The following LRRC4C variants were observed in gnomAD, a reference collection of about 807,000 sequenced individuals.
LRRC4C encodes leucine-rich repeat-containing protein 4C.
A neutral mutation model predicts 33.6 loss-of-function variants in LRRC4C; 5 were observed. The ratio of observed to expected loss-of-function variants is 0.15; its 90% CI spans 0.08 to 0.31. LRRC4C has a LOEUF of 0.31. LRRC4C is among the 10% of genes least tolerant of loss of function. LRRC4C has a pLI of 1.00. For synonymous variants in LRRC4C, 329 were observed against 302.0 expected, an observed-to-expected ratio of 1.09 and a Z score of -0.93; for missense variants, 560 against 796.7, an observed-to-expected ratio of 0.70 and a Z score of 3.58.
rs142646290 is a variant in LRRC4C, at chr11:41,069,158, A to G, written c.-495-135435T>C. 3.7e-3 allele frequency among the ~76,000 whole-genome samples: 565 copies of G among 152,302 alleles called. 1 individual carries two copies. Among genetic ancestry groups the G allele is most frequent in the Non-Finnish European group, 5.8e-3 (392 of 68,038 alleles). On this transcript the variant is annotated intron_variant, in intron 1 of 6. Coordinates refer to ENST00000528697, the MANE Select transcript of LRRC4C (RefSeq NM_001258419.2). ...GTAATCCACCACATAAACAGAACCA[A>G]TGACAAAAAACACTTGATTATTCTA...
At chr11:41,044,916 A>T (rs1420350644) in intron 1 of LRRC4C, among the ~76,000 whole-genome samples, 1 of 152,150 alleles carries the variant, frequency 6.6e-6, no homozygotes, top group Non-Finnish European at 1.5e-5. Flanking sequence ...AGGGATAAGT[A>T]GGGCAAAATG....
rs555096085 is a variant in LRRC4C, at chr11:41,130,009, T to C, written c.-495-196286A>G. On this transcript the variant is annotated intron_variant, in intron 1 of 6. Coordinates refer to ENST00000528697, the MANE Select transcript of LRRC4C (RefSeq NM_001258419.2). ...AAGCTCCAGATTCTGTTTAGTTATT[T>C]ACTGTCCATAGGAGACTAGATCCTC... Among the ~76,000 whole-genome samples, 6 of 152,010 alleles carry C rather than the reference T, an allele frequency of 3.9e-5. 1 individual carries two copies. In the South Asian group the frequency reaches 1.0e-3, roughly 26 times the overall value.
intron 5 of LRRC4C, among the ~76,000 whole-genome samples, chr11:40,148,999 A>C (rs1857973041): frequency 6.6e-6 from 1 of 152,092 alleles, no homozygotes; most frequent in Admixed American, 6.6e-5. Context: ...GTAGGAGTGC[A>C]GCATTACTTC....
intron 3 of LRRC4C, among the ~76,000 whole-genome samples, chr11:40,576,635 T>A (rs757212336): frequency 6.6e-6 from 1 of 152,056 alleles, no homozygotes; most frequent in African/African-American, 2.4e-5. Flanking sequence ...TTTATAACAA[T>A]CCCCCTCCAT....
At chr11:40,313,428 AG>A (rs1945411278) in intron 4 of LRRC4C, among the ~76,000 whole-genome samples, 1 of 151,930 alleles carries the variant, frequency 6.6e-6, no homozygotes, top group Admixed American at 6.6e-5. Context: ...CATACATTGG[AG>A]GAAGGGCCAT....
intron 2 of LRRC4C, among the ~76,000 whole-genome samples, chr11:40,766,353 T>TAAAAAAAAAAAAAAAAAAAAAAAAAA (rs60152534): frequency 8.8e-5 from 3 of 33,902 alleles, no homozygotes; most frequent in African/African-American, 3.2e-4. Flanking sequence ...TTCAGTCTGT[T>TAAAAAAAAAAAAAAAAAAAAAAAAAA]AAAAAAAAAA....
intron 1 of LRRC4C, among the ~76,000 whole-genome samples, chr11:41,081,542 A>G (rs12806432): frequency 0.28 from 42,297 of 151,818 alleles, 6,096 homozygotes; most frequent in Admixed American, 0.35. Context: ...AGCAGGTCCC[A>G]TATGTTAAGA....
intron 2 of LRRC4C, among the ~76,000 whole-genome samples, chr11:40,817,009 G>A (rs143539032): frequency 3.7e-4 from 56 of 152,074 alleles, no homozygotes; most frequent in Non-Finnish European, 4.1e-4. Flanking sequence ...TTTTTCCATC[G>A]GAGCCTTGTC....
intron 2 of LRRC4C, among the ~76,000 whole-genome samples, chr11:40,872,288 C>G (rs1033097407): frequency 3.3e-5 from 5 of 149,666 alleles, no homozygotes; most frequent in Non-Finnish European, 5.9e-5. Context: ...AGTCCTGGCT[C>G]TCTCCTTAAA....
chr11:41,363,291 A>G (rs1952421119), intron 1 of LRRC4C, among the ~76,000 whole-genome samples: 1 of 152,206 alleles, frequency 6.6e-6, no homozygotes, highest in African/African-American at 2.4e-5. Context: ...CACAACAAGT[A>G]CAGAAAAACA....
chr11:41,273,074 C>T lies in LRRC4C; in HGVS notation c.-496+186357G>A, dbSNP rs565990644. ...ATTCTAGTGAAGAAAACAGATAATA[C>T]GTATATAAATAGCTAGAAAATGCAA... is the stretch of plus-strand genomic sequence containing the variant. On this transcript the variant is annotated intron_variant, in intron 1 of 6. Transcript: ENST00000528697. 5.9e-5 allele frequency among the ~76,000 whole-genome samples: 9 copies of T among 152,038 alleles called. No homozygotes were observed. In the South Asian group the frequency reaches 1.0e-3, roughly 18 times the overall value.
At chr11:40,833,092 G>A (rs987614198) in intron 2 of LRRC4C, among the ~76,000 whole-genome samples, 1 of 152,148 alleles carries the variant, frequency 6.6e-6, no homozygotes. Context: ...AATTTGTGGG[G>A]TGTGGTTATA....
chr11:40,646,913 C>T (rs1199879559), intron 3 of LRRC4C, among the ~76,000 whole-genome samples: 2 of 152,178 alleles, frequency 1.3e-5, no homozygotes, highest in Non-Finnish European at 2.9e-5. Flanking sequence ...GCCAAGTCTT[C>T]TCTCTCTTTT....
In LRRC4C at chr11:40,586,786, T is replaced by G. The variant is rs1293950596; in HGVS notation, c.-270+61356A>C. Among the ~76,000 whole-genome samples, 144 of 151,992 alleles carry G rather than the reference T, an allele frequency of 9.5e-4. 2 individuals are homozygous for G. The highest frequency in any genetic ancestry group is 6.2e-3 in the East Asian group (32 of 5,172). On this transcript the variant is annotated intron_variant, in intron 3 of 6. Transcript: ENST00000528697. Reference sequence around the variant, plus strand: ...GTTTGTCAAAGATCAGATAGTTGTATATATGCGGCGTTATTTCTGAGGGCT... The same window carrying G: ...GTTTGTCAAAGATCAGATAGTTGTAGATATGCGGCGTTATTTCTGAGGGCT...
At chr11:40,881,136 A>T (rs1459784946) in intron 2 of LRRC4C, among the ~76,000 whole-genome samples, 2 of 152,060 alleles carry the variant, frequency 1.3e-5, no homozygotes, top group Non-Finnish European at 2.9e-5. Flanking sequence ...TCTTGATACA[A>T]ATAATATTAC....
At chr11:40,950,762 T>C (rs183427570) in intron 1 of LRRC4C, among the ~76,000 whole-genome samples, 1 of 152,202 alleles carries the variant, frequency 6.6e-6, no homozygotes, top group Admixed American at 6.5e-5. Flanking sequence ...CTAATGTTAA[T>C]ATTTTGAGAT....
intron 1 of LRRC4C, among the ~76,000 whole-genome samples, chr11:41,241,485 T>A (rs187051849): frequency 6.1e-4 from 93 of 152,230 alleles, no homozygotes; most frequent in Non-Finnish European, 8.8e-4. Context: ...AAAAGAGATG[T>A]AATATACTTG....
chr11:40,807,770 C>T (rs989357188), intron 2 of LRRC4C, among the ~76,000 whole-genome samples: 13 of 152,212 alleles, frequency 8.5e-5, no homozygotes, highest in African/African-American at 2.4e-4. Context: ...CAGCATATGG[C>T]GAGAAAATCA....
intron 3 of LRRC4C, among the ~76,000 whole-genome samples, chr11:40,604,663 T>C (rs1413404156): frequency 6.6e-6 from 1 of 152,148 alleles, no homozygotes; most frequent in Non-Finnish European, 1.5e-5. Flanking sequence ...GTATGTTTTA[T>C]GGTCAAATGA....
Sources: allele counts gnomAD v4.1 joint callset (sites outside exome capture counted in the v4.1 genomes callset), GRCh38; gene constraint gnomAD v4.1.1; transcripts MANE v1.5; gene names NCBI Gene and HGNC (gene_info 2026-07-23, HGNC 2026-07-21).